The following PDZD9 variants were observed in gnomAD, a reference collection of about 807,000 sequenced individuals.
PDZD9 encodes PDZ domain containing 9.
Under a neutral mutation model 16.3 loss-of-function variants are expected in PDZD9, and 13 were observed. The ratio of observed to expected loss-of-function variants is 0.80; its 90% CI spans 0.52 to 1.27. The LOEUF is 1.27. Among genes scored for constraint, PDZD9 ranks in the 50% most tolerant of loss-of-function variants. PDZD9 has a pLI of 0.00. For synonymous variants in PDZD9, 120 were observed against 111.0 expected (o/e 1.08, Z -0.51); for missense variants, 288 against 310.9 (o/e 0.93, Z 0.55).
In PDZD9 at chr16:21,984,360, G is replaced by A; in HGVS notation, c.702C>T (p.Ser234=). The part of the protein sequence containing the change: ...IMVKQDNESS[S]SSTSSTSDAF... ...CATCTGAGGTAGAGGAGGTAGAGGA[G>A]GAAGAGCTTTCATTGTCTTGCTTCA... Residue 234 remains serine (S), a synonymous_variant, in exon 4 of 4, where the codon TCC becomes TCT. Coordinates refer to ENST00000424898, the MANE Select transcript of PDZD9 (RefSeq NM_001363519.1). The A allele has an allele frequency of 1.9e-6, 3 of 1,614,142 alleles. No individual in the cohort carries two copies. The highest frequency in any genetic ancestry group is 1.1e-5 in the South Asian group (1 of 91,072).
At chr16:21,990,734 A>G (rs1393064427) in intron 2 of PDZD9, among the ~76,000 whole-genome samples, 8 of 152,372 alleles carry the variant, frequency 5.3e-5, no homozygotes, top group Admixed American at 5.2e-4. Flanking sequence ...GCTGAAAGCT[A>G]TGGCTTGGCA....
At chr16:21,970,242 G>A in the PDZD9 span, among the ~76,000 whole-genome samples, 4 of 152,048 alleles carry the variant, frequency 2.6e-5, no homozygotes, top group African/African-American at 9.7e-5. Flanking sequence ...TTTGGCTGTC[G>A]TAAATATAAA....
chr16:21,980,478 C>G (rs906450250), downstream of PDZD9: 1 of 1,545,196 alleles, frequency 6.5e-7, no homozygotes, highest in Non-Finnish European at 8.8e-7. Flanking sequence ...CACAGCCCCC[C>G]GCCACCACTC....
chr16:21,962,748 A>G, the PDZD9 span: 3 of 1,613,830 alleles, frequency 1.9e-6, no homozygotes, highest in East Asian at 2.2e-5. Context: ...TCTTATCTCG[A>G]TGTCTTCTGT....
chr16:21,973,156 G>A, the PDZD9 span, among the ~76,000 whole-genome samples: 145,963 of 152,290 alleles, frequency 0.96, 70,390 homozygotes, highest in Middle Eastern at 0.99. Flanking sequence ...TATGCTTTAC[G>A]TGGACTGAGC....
At chr16:21,965,365 C>G in the PDZD9 span, 1 of 1,581,786 alleles carries the variant, frequency 6.3e-7, no homozygotes. Context: ...GTTGTCTTTA[C>G]TGAAAGTGCA....
the PDZD9 span, chr16:21,962,289 A>T: frequency 5.7e-6 from 4 of 707,224 alleles, no homozygotes; most frequent in Non-Finnish European, 9.2e-6. Flanking sequence ...GCTGGTTTTT[A>T]AAAAAATTTT....
chr16:21,972,933 C>G, the PDZD9 span, among the ~76,000 whole-genome samples: 63 of 152,260 alleles, frequency 4.1e-4, no homozygotes, highest in East Asian at 0.011. Flanking sequence ...AACCCTGTCT[C>G]TACTAAAAAT....
At chr16:21,965,391 C>T in the PDZD9 span, 1 of 1,611,644 alleles carries the variant, frequency 6.2e-7, no homozygotes, top group South Asian at 1.1e-5. Context: ...CTAAATGCTT[C>T]TTCACTTATC....
chr16:21,969,720 G>C, the PDZD9 span, among the ~76,000 whole-genome samples: 1 of 152,058 alleles, frequency 6.6e-6, no homozygotes, highest in African/African-American at 2.4e-5. Flanking sequence ...CTTTTGAAGT[G>C]AATAGTTCTG....
Position 21,989,319 on chromosome 16 carries a change from C to A in PDZD9, c.212-528G>T, listed in dbSNP as rs78774741. Among the ~76,000 whole-genome samples, 51 of 152,106 alleles carry A rather than the reference C, an allele frequency of 3.4e-4. No homozygotes were observed. The East Asian group carries it at 8.5e-3, about 25-fold the overall frequency. Reference sequence around the variant, plus strand: ...ATGTATGCAAGATGTTTCTTAATAGCAGTATATTGGTAGACATTATATGAT... The same window carrying A: ...ATGTATGCAAGATGTTTCTTAATAGAAGTATATTGGTAGACATTATATGAT... On this transcript the variant is annotated intron_variant, in intron 2 of 3. Coordinates refer to ENST00000424898, the MANE Select transcript of PDZD9 (RefSeq NM_001363519.1).
chr16:21,964,666 A>G, the PDZD9 span, among the ~76,000 whole-genome samples: 2 of 152,124 alleles, frequency 1.3e-5, no homozygotes, highest in African/African-American at 4.8e-5. Flanking sequence ...CCCACATATT[A>G]CTTGTATTAA....
chr16:21,993,654 A>G (rs1182448393), intron 2 of PDZD9, among the ~76,000 whole-genome samples: 4 of 152,160 alleles, frequency 2.6e-5, no homozygotes, highest in South Asian at 2.1e-4. Flanking sequence ...GTAGGGAGAT[A>G]GGGACCAGGC....
chr16:21,964,885 C>T, the PDZD9 span, among the ~76,000 whole-genome samples: 2 of 152,218 alleles, frequency 1.3e-5, no homozygotes, highest in South Asian at 4.1e-4. Context: ...GAAGGAAATA[C>T]TGCAGGCAAA....
chr16:21,960,451 T>C, the PDZD9 span, among the ~76,000 whole-genome samples: 1 of 152,238 alleles, frequency 6.6e-6, no homozygotes, highest in African/African-American at 2.4e-5. Flanking sequence ...CAGTTTGATC[T>C]AATCCAGACC....
the PDZD9 span, chr16:21,971,403 A>T: frequency 1.3e-6 from 1 of 752,616 alleles, no homozygotes; most frequent in South Asian, 2.0e-5. Flanking sequence ...TGGCAGGAAG[A>T]CTCTTATTTA....
the PDZD9 span, chr16:21,965,425 C>T: frequency 6.2e-7 from 1 of 1,613,732 alleles, no homozygotes; most frequent in Non-Finnish European, 8.5e-7. Flanking sequence ...TGAAAATTTG[C>T]ATGCAGCAGC....
chr16:21,980,817 C>T, downstream of PDZD9: 1 of 1,230,592 alleles, frequency 8.1e-7, no homozygotes, highest in East Asian at 2.5e-5. Flanking sequence ...TGGTGCTCAT[C>T]TACTTAATGT....
At chr16:21,958,673 A>G in the PDZD9 span, 1 of 1,319,310 alleles carries the variant, frequency 7.6e-7, no homozygotes, top group Non-Finnish European at 1.1e-6. Context: ...TTTCTCTGTT[A>G]TCAAGGAGGT....
Sources: gnomAD v4.1 joint callset for allele counts (sites outside exome capture counted in the v4.1 genomes callset) on GRCh38, gnomAD v4.1.1 for gene constraint, MANE v1.5 for transcripts, NCBI Gene and HGNC (gene_info 2026-07-23, HGNC 2026-07-21) for gene names.